The following VRK2 variants were observed in gnomAD, a reference collection of about 807,000 sequenced individuals.
VRK2 encodes the protein serine/threonine-protein kinase VRK2.
Under a neutral mutation model 57.6 loss-of-function variants are expected in VRK2, and 60 were observed. The observed-to-expected ratio is 1.04, with a 90% CI of 0.85 to 1.29. The LOEUF is 1.29. Among genes scored for constraint, VRK2 ranks in the 50% most tolerant of loss-of-function variants. The pLI is 0.00. For missense variants in VRK2, 705 were observed against 588.1 expected, an observed-to-expected ratio of 1.20 and a Z score of -2.06; for synonymous variants, 231 against 199.2, an observed-to-expected ratio of 1.16 and a Z score of -1.35.
At chr2:58,096,155 T>A (rs2104298879) in intron 7 of VRK2, among the ~76,000 whole-genome samples, 1 of 152,220 alleles carries the variant, frequency 6.6e-6, no homozygotes, top group South Asian at 2.1e-4. Flanking sequence ...TATGGCATAA[T>A]ATTAGTGTAA....
At chr2:58,155,410 GGGA>G (rs1366918369) in intron 12 of VRK2, among the ~76,000 whole-genome samples, 8 of 152,156 alleles carry the variant, frequency 5.3e-5, no homozygotes, top group African/African-American at 1.9e-4. Flanking sequence ...GTGTCTGGTG[GGGA>G]GGAAGACAGG....
chr2:58,159,544 G>A lies in VRK2; in HGVS notation c.1378G>A (p.Gly460Arg), dbSNP rs368279793. 1 of 1,613,692 alleles carries A rather than the reference G, an allele frequency of 6.2e-7. No homozygotes were observed. The highest frequency in any genetic ancestry group is 1.1e-5 in the South Asian group (1 of 91,068). Residue 460 changes from glycine (G) to arginine (R), a missense_variant, in exon 13 of 13, where the codon GGG (glycine) becomes AGG (arginine). Physicochemically the swap from Gly to Arg is moderately radical, Grantham distance 125. Coordinates refer to ENST00000340157, the MANE Select transcript of VRK2 (RefSeq NM_006296.7). Reference sequence around the variant, plus strand: ...TAAATACACTTCCACAGTCAGCACGGGGATCACAGACTTAGAAAGTTCAAC... The same window carrying A: ...TAAATACACTTCCACAGTCAGCACGAGGATCACAGACTTAGAAAGTTCAAC... ...WYKYTSTVSTGITDLESSTGL... is the reference protein window; with the variant it reads ...WYKYTSTVSTRITDLESSTGL...
intron 2 of VRK2, among the ~76,000 whole-genome samples, chr2:58,057,653 T>G (rs1278632631): frequency 6.6e-6 from 1 of 152,174 alleles, no homozygotes; most frequent in African/African-American, 2.4e-5. Flanking sequence ...AAATCAACTT[T>G]TCAAAGAATG....
chr2:58,108,571 C>A lies in VRK2; in HGVS notation c.544-14530C>A, dbSNP rs575279755. ...TCCACCAACTTCTCCGCCCTCAACA[C>A]ACACTGACACATGCTCTGGTTGCCC... On this transcript the variant is annotated intron_variant, in intron 7 of 12. Transcript: ENST00000340157. 2.0e-5 allele frequency among the ~76,000 whole-genome samples: 3 copies of A among 152,212 alleles called. No homozygotes were observed. The East Asian group carries it at 5.8e-4, about 29-fold the overall frequency.
At chr2:57,957,507 TTA>T (rs1400433974) in intron 1 of VRK2, among the ~76,000 whole-genome samples, 1 of 151,254 alleles carries the variant, frequency 6.6e-6, no homozygotes, top group African/African-American at 2.4e-5. Context: ...AATTAAAATC[TTA>T]TGTTTTTTAT....
intron 2 of VRK2, among the ~76,000 whole-genome samples, chr2:58,068,258 G>C (rs1668896568): frequency 6.6e-6 from 1 of 152,114 alleles, no homozygotes; most frequent in Non-Finnish European, 1.5e-5. Flanking sequence ...CAGCAAGTCT[G>C]CTGACCATTA....
At chr2:58,152,210 T>A (rs1683179284) in intron 12 of VRK2, among the ~76,000 whole-genome samples, 1 of 151,924 alleles carries the variant, frequency 6.6e-6, no homozygotes, top group African/African-American at 2.4e-5. Flanking sequence ...CAAAATTTGG[T>A]GTCTATTTTA....
intron 1 of VRK2, among the ~76,000 whole-genome samples, chr2:58,001,687 T>C (rs868786269): frequency 1.3e-5 from 2 of 152,202 alleles, no homozygotes; most frequent in African/African-American, 2.4e-5. Context: ...CCAGGCGTGG[T>C]GTCGCGCACC....
intron 11 of VRK2, among the ~76,000 whole-genome samples, chr2:58,144,751 T>A (rs1425839508): frequency 6.6e-6 from 1 of 151,780 alleles, no homozygotes; most frequent in East Asian, 1.9e-4. Context: ...GAAGGTTGAG[T>A]GGTGAAAATA....
intron 2 of VRK2, among the ~76,000 whole-genome samples, chr2:58,056,380 C>T (rs1246692175): frequency 6.6e-6 from 1 of 152,160 alleles, no homozygotes; most frequent in African/African-American, 2.4e-5. Context: ...CTGGCACGTC[C>T]CTCTGTCAGA....
intron 1 of VRK2, among the ~76,000 whole-genome samples, chr2:57,939,698 A>C (rs1371938327): frequency 6.6e-6 from 1 of 152,260 alleles, no homozygotes; most frequent in Non-Finnish European, 1.5e-5. Context: ...CAAAAAGTGT[A>C]TCAGTTAACA....
intron 12 of VRK2, among the ~76,000 whole-genome samples, chr2:58,155,119 T>G (rs1334193201): frequency 6.6e-6 from 1 of 152,218 alleles, no homozygotes; most frequent in Non-Finnish European, 1.5e-5. Context: ...GGTGAAGTAG[T>G]CTATAAATAT....
At chr2:58,043,850 G>A (rs932669788), upstream of VRK2, among the ~76,000 whole-genome samples, 2 of 152,204 alleles carry the variant, frequency 1.3e-5, no homozygotes, top group Non-Finnish European at 2.9e-5. Context: ...ATATAAGAGA[G>A]TTCCAAGTTG....
chr2:57,937,322 T>G (rs551003044), intron 1 of VRK2, among the ~76,000 whole-genome samples: 1 of 152,310 alleles, frequency 6.6e-6, no homozygotes, highest in South Asian at 2.1e-4. Context: ...TTGAAATGCA[T>G]TATTTTCAAT....
chr2:58,054,555 TC>T (rs1676236918), intron 2 of VRK2, among the ~76,000 whole-genome samples: 1 of 152,134 alleles, frequency 6.6e-6, no homozygotes, highest in South Asian at 2.1e-4. Flanking sequence ...TAGGTTTTTT[TC>T]TTTAGATAAG....
intron 1 of VRK2, among the ~76,000 whole-genome samples, chr2:57,923,563 T>C (rs1670428346): frequency 6.6e-6 from 1 of 151,930 alleles, no homozygotes; most frequent in African/African-American, 2.4e-5. Context: ...CTTTTGTCTG[T>C]TTTTAAATCA....
chr2:58,101,410 A>C (rs1051004031), intron 7 of VRK2, among the ~76,000 whole-genome samples: 1 of 151,688 alleles, frequency 6.6e-6, no homozygotes, highest in Non-Finnish European at 1.5e-5. Flanking sequence ...ATCTCCAAAA[A>C]CTAAGGACAA....
At chr2:58,073,207 G>A (rs555494914) in intron 2 of VRK2, among the ~76,000 whole-genome samples, 1 of 152,056 alleles carries the variant, frequency 6.6e-6, no homozygotes, top group African/African-American at 2.4e-5. Context: ...ATTTGCTGAG[G>A]TATGTTTTTT....
At chr2:58,049,162 G>C (rs573285541) in intron 2 of VRK2, among the ~76,000 whole-genome samples, 195 bp downstream of exon 2, 1 of 152,234 alleles carries the variant, frequency 6.6e-6, no homozygotes, top group African/African-American at 2.4e-5. Flanking sequence ...TGTTGTCCAT[G>C]TTTTTCTGAG....
Sources: allele counts gnomAD v4.1 joint callset (sites outside exome capture counted in the v4.1 genomes callset), GRCh38; gene constraint gnomAD v4.1.1; transcripts MANE v1.5; gene names NCBI Gene and HGNC (gene_info 2026-07-23, HGNC 2026-07-21).